The following PRKN variants were observed in gnomAD, a reference collection of about 807,000 sequenced individuals.
PRKN encodes E3 ubiquitin-protein ligase parkin.
A neutral mutation model predicts 59.5 loss-of-function variants in PRKN; 56 were observed. That is an observed-to-expected ratio of 0.94 (90% CI 0.76 to 1.18). The LOEUF is 1.18. PRKN is among the 50% of genes most tolerant of loss of function. The probability of loss-of-function intolerance (pLI) is 0.00; values close to 1 mark genes in which losing one functional copy is unlikely to be tolerated. For synonymous variants in PRKN, 250 were observed against 222.1 expected (o/e 1.13, Z -1.12); for missense variants, 657 against 596.4 (o/e 1.10, Z -1.06).
At chr6:162,455,301 C>G (rs915113540) in intron 1 of PRKN, among the ~76,000 whole-genome samples, 4 of 152,196 alleles carry the variant, frequency 2.6e-5, no homozygotes, top group Admixed American at 2.6e-4. Context: ...ACCTACTCCT[C>G]TGTAGTATAG....
chr6:161,921,694 A>T (rs1205790692), intron 6 of PRKN, among the ~76,000 whole-genome samples: 1 of 152,134 alleles, frequency 6.6e-6, no homozygotes, highest in East Asian at 1.9e-4. Context: ...ACCTTACTGC[A>T]CTCAAATGAC....
intron 6 of PRKN, among the ~76,000 whole-genome samples, chr6:161,883,965 C>T (rs1562363926): frequency 6.9e-6 from 1 of 145,694 alleles, no homozygotes; most frequent in Non-Finnish European, 1.6e-5. Flanking sequence ...AAATGATTTT[C>T]TTTTTGTTAC....
chr6:162,058,865 T>C (rs1471138671), intron 4 of PRKN, among the ~76,000 whole-genome samples: 1 of 147,898 alleles, frequency 6.8e-6, no homozygotes, highest in African/African-American at 2.5e-5. Context: ...GGGAGGAGAA[T>C]CGCTTGAGCC....
intron 6 of PRKN, among the ~76,000 whole-genome samples, chr6:161,808,071 G>A (rs1791410579): frequency 6.6e-6 from 1 of 152,092 alleles, no homozygotes; most frequent in Admixed American, 6.5e-5. Flanking sequence ...TCATTTCTAA[G>A]ATACAGAATA....
intron 7 of PRKN, among the ~76,000 whole-genome samples, chr6:161,674,376 C>CT (rs1348308411): frequency 6.6e-6 from 1 of 152,074 alleles, no homozygotes; most frequent in Non-Finnish European, 1.5e-5. Flanking sequence ...CCACACTCAT[C>CT]TGCATTATCA....
intron 1 of PRKN, among the ~76,000 whole-genome samples, chr6:162,499,992 G>C (rs73035890): frequency 5.9e-4 from 90 of 151,916 alleles, no homozygotes; most frequent in Middle Eastern, 6.8e-3. Flanking sequence ...TTCTAGTTAA[G>C]GATGCCATCT....
intron 1 of PRKN, among the ~76,000 whole-genome samples, chr6:162,505,923 A>G (rs1018313371): frequency 2.0e-5 from 3 of 152,186 alleles, no homozygotes; most frequent in African/African-American, 7.2e-5. Flanking sequence ...TAGGATAACC[A>G]CATTGTAAGG....
At chr6:161,751,202 A>G (rs747110958) in intron 7 of PRKN, among the ~76,000 whole-genome samples, 38 of 152,356 alleles carry the variant, frequency 2.5e-4, no homozygotes, top group Admixed American at 1.1e-3. Context: ...CCCAAATTTC[A>G]TAATTCTCCT....
intron 7 of PRKN, among the ~76,000 whole-genome samples, chr6:161,610,496 C>CACACAT (rs1782449516): frequency 1.5e-5 from 2 of 129,068 alleles, no homozygotes; most frequent in Non-Finnish European, 3.1e-5. Context: ...TAATAATACA[C>CACACAT]ACACACACAC....
chr6:161,766,327 T>A (rs1789422271), intron 7 of PRKN, among the ~76,000 whole-genome samples: 1 of 151,526 alleles, frequency 6.6e-6, no homozygotes, highest in African/African-American at 2.4e-5. Context: ...TTTTTTTTTT[T>A]AGACAGAGTC....
chr6:162,421,199 C>T (rs537973198), intron 2 of PRKN, among the ~76,000 whole-genome samples: 57 of 152,296 alleles, frequency 3.7e-4, no homozygotes, highest in African/African-American at 1.4e-3. Context: ...TATCAATAAC[C>T]CTCCATCAGG....
chr6:161,865,504 T>C (rs867326586), intron 6 of PRKN, among the ~76,000 whole-genome samples: 2 of 152,232 alleles, frequency 1.3e-5, no homozygotes, highest in East Asian at 3.8e-4. Context: ...TCATCTGCAC[T>C]GACAATCTAT....
intron 7 of PRKN, among the ~76,000 whole-genome samples, chr6:161,776,404 T>A (rs1789926225): frequency 6.6e-6 from 1 of 152,244 alleles, no homozygotes; most frequent in African/African-American, 2.4e-5. Flanking sequence ...GTTTTGGCTA[T>A]GTTTGTCAAT....
chr6:162,552,285 G>C (rs1779360908), intron 1 of PRKN, among the ~76,000 whole-genome samples: 1 of 152,054 alleles, frequency 6.6e-6, no homozygotes, highest in Admixed American at 6.6e-5. Context: ...GCAATGTAGG[G>C]GGAAAAAACG....
At chr6:161,698,226 T>G (rs994684792) in intron 7 of PRKN, among the ~76,000 whole-genome samples, 1 of 152,078 alleles carries the variant, frequency 6.6e-6, no homozygotes, top group Non-Finnish European at 1.5e-5. Flanking sequence ...AATACAAATA[T>G]GCAGACAGGC....
intron 3 of PRKN, among the ~76,000 whole-genome samples, chr6:162,210,925 T>C (rs558067917): frequency 2.0e-5 from 3 of 152,340 alleles, no homozygotes; most frequent in Non-Finnish European, 2.9e-5. Context: ...TTAATATGAA[T>C]GGCAGACTTG....
chr6:162,384,100 T>C (rs1428364471), intron 2 of PRKN, among the ~76,000 whole-genome samples: 1 of 152,202 alleles, frequency 6.6e-6, no homozygotes, highest in African/African-American at 2.4e-5. Flanking sequence ...TGAGACTGTC[T>C]CACATTCATA....
intron 4 of PRKN, among the ~76,000 whole-genome samples, chr6:162,091,321 T>C (rs1779485445): frequency 6.6e-6 from 1 of 152,116 alleles, no homozygotes; most frequent in South Asian, 2.1e-4. Flanking sequence ...AGCTGAAAAA[T>C]GGAAGAAGAT....
chr6:162,565,755 G>C (rs951979173), intron 1 of PRKN, among the ~76,000 whole-genome samples: 2 of 150,982 alleles, frequency 1.3e-5, no homozygotes, highest in African/African-American at 4.9e-5. Flanking sequence ...GAATGTAAAG[G>C]GACTAAACTC....
Sources: allele counts gnomAD v4.1 joint callset (sites outside exome capture counted in the v4.1 genomes callset), GRCh38; gene constraint gnomAD v4.1.1; transcripts MANE v1.5; gene names NCBI Gene and HGNC (gene_info 2026-07-23, HGNC 2026-07-21).